Variants in RIT2 observed in about 807,000 individuals in gnomAD.
RIT2 encodes GTP-binding protein Rit2.
RIT2 carries 24 observed loss-of-function variants against 23.7 expected under a neutral mutation model. The observed-to-expected ratio is 1.01, with a 90% confidence interval of 0.73 to 1.43. RIT2 has a LOEUF of 1.43. Ranked by LOEUF, RIT2 falls within the 40% of genes most tolerant of loss-of-function variation. The pLI, the probability that RIT2 is intolerant of heterozygous loss-of-function variation, is 0.00. For missense variants in RIT2, 236 were observed against 266.9 expected (o/e 0.88, Z 0.81); for synonymous variants, 107 against 91.1 (o/e 1.17, Z -0.99).
chr18:42,774,239 C>T (rs542069589), intron 4 of RIT2, among the ~76,000 whole-genome samples: 1 of 152,230 alleles, frequency 6.6e-6, no homozygotes, highest in South Asian at 2.1e-4. Flanking sequence ...ACGGTAGACT[C>T]AATGGTGGTT....
chr18:42,804,390 C>T (rs1905620283), intron 4 of RIT2, among the ~76,000 whole-genome samples: 1 of 151,498 alleles, frequency 6.6e-6, no homozygotes, highest in Non-Finnish European at 1.5e-5. Context: ...CCCGTCTCTA[C>T]TAAAAATACA....
chr18:42,850,986 T>A (rs1362419981), intron 4 of RIT2, among the ~76,000 whole-genome samples: 3 of 152,218 alleles, frequency 2.0e-5, no homozygotes, highest in African/African-American at 7.2e-5. Context: ...ATTTTTCATA[T>A]CTTCCACATT....
intron 1 of RIT2, among the ~76,000 whole-genome samples, chr18:43,092,011 A>G (rs921963539): frequency 1.3e-5 from 2 of 152,142 alleles, no homozygotes; most frequent in Non-Finnish European, 1.5e-5. Flanking sequence ...ATATTATTTT[A>G]TGGATAATTT....
chr18:42,750,844 T>C (rs1913029711), intron 4 of RIT2, among the ~76,000 whole-genome samples: 1 of 148,540 alleles, frequency 6.7e-6, no homozygotes, highest in African/African-American at 2.4e-5. Flanking sequence ...TGAAAACTTT[T>C]GAATCATAGG....
chr18:42,921,587 A>G (rs1568030625), intron 4 of RIT2, among the ~76,000 whole-genome samples: 1 of 152,130 alleles, frequency 6.6e-6, no homozygotes, highest in Non-Finnish European at 1.5e-5. Flanking sequence ...GTGAAGGAAA[A>G]GTAAATGTCA....
intron 4 of RIT2, among the ~76,000 whole-genome samples, chr18:42,798,676 C>T (rs1219610734): frequency 6.6e-6 from 1 of 152,246 alleles, no homozygotes; most frequent in Non-Finnish European, 1.5e-5. Context: ...TCTACTCTGG[C>T]TTTCTTTCTC....
chr18:42,810,381 C>T (rs1434060493), intron 4 of RIT2, among the ~76,000 whole-genome samples: 1 of 151,860 alleles, frequency 6.6e-6, no homozygotes, highest in Non-Finnish European at 1.5e-5. Flanking sequence ...CATTACTTAG[C>T]TGGCTAATTG....
At chr18:42,780,057 T>TTTG (rs973749376) in intron 4 of RIT2, among the ~76,000 whole-genome samples, 1 of 135,140 alleles carries the variant, frequency 7.4e-6, no homozygotes, top group Non-Finnish European at 1.6e-5. Context: ...GTTTTTTTTT[T>TTTG]TTTTTTTTTT....
At chr18:42,910,495 G>T (rs967566975) in intron 4 of RIT2, among the ~76,000 whole-genome samples, 1 of 152,034 alleles carries the variant, frequency 6.6e-6, no homozygotes, top group South Asian at 2.1e-4. Context: ...CTGCCCAAAT[G>T]TTGCATTTTG....
chr18:42,903,445 CT>C (rs1336380323), intron 4 of RIT2, among the ~76,000 whole-genome samples: 1 of 151,696 alleles, frequency 6.6e-6, no homozygotes, highest in Non-Finnish European at 1.5e-5. Context: ...CACAATACGG[CT>C]TAATCAGAAA....
intron 4 of RIT2, among the ~76,000 whole-genome samples, chr18:42,749,443 G>C (rs1912994513): frequency 6.6e-6 from 1 of 151,418 alleles, no homozygotes; most frequent in Admixed American, 6.6e-5. Flanking sequence ...TTAATTTAAA[G>C]AAAGCAAAAA....
At chr18:42,795,971 T>C (rs1905338596) in intron 4 of RIT2, among the ~76,000 whole-genome samples, 1 of 152,078 alleles carries the variant, frequency 6.6e-6, no homozygotes, top group African/African-American at 2.4e-5. Flanking sequence ...ATCAGCGCCC[T>C]GTCAAAACAG....
rs1045709386 is a variant in RIT2, at chr18:43,032,220, T to C, written c.160+1591A>G. Among the ~76,000 whole-genome samples the C allele has an allele frequency of 3.9e-5, 6 of 152,196 alleles. No individual in the cohort carries two copies. The East Asian group carries it at 9.7e-4, about 25-fold the overall frequency. ...AATCTCAAGTGATAGATGTGTCTCA[T>C]GGATAACTAAAGGAGACATCATCAT... is the stretch of plus-strand genomic sequence containing the variant. On this transcript the variant is annotated intron_variant, in intron 2 of 4. Transcript: ENST00000326695.
intron 1 of RIT2, among the ~76,000 whole-genome samples, chr18:43,062,877 G>T (rs1912682600): frequency 2.0e-5 from 3 of 152,130 alleles, no homozygotes; most frequent in African/African-American, 7.2e-5. Context: ...CATTCTAACA[G>T]AAATATGATA....
At chr18:43,092,456 A>G (rs546761240) in intron 1 of RIT2, among the ~76,000 whole-genome samples, 2 of 152,212 alleles carry the variant, frequency 1.3e-5, no homozygotes, top group African/African-American at 4.8e-5. Flanking sequence ...ACTAAAATCA[A>G]GTTTGTCATC....
chr18:42,942,453 C>T (rs935750431), intron 3 of RIT2, among the ~76,000 whole-genome samples: 16 of 152,090 alleles, frequency 1.1e-4, no homozygotes, highest in African/African-American at 3.9e-4. Flanking sequence ...TACTGTCTTC[C>T]TCTTCCTTTA....
At chr18:42,795,762 T>G (rs555886189) in intron 4 of RIT2, among the ~76,000 whole-genome samples, 2 of 152,318 alleles carry the variant, frequency 1.3e-5, no homozygotes, top group South Asian at 4.1e-4. Flanking sequence ...ATCGGCACTC[T>G]GTATCTAGCT....
At chr18:42,966,267 A>G (rs1217991040) in intron 3 of RIT2, among the ~76,000 whole-genome samples, 1 of 152,186 alleles carries the variant, frequency 6.6e-6, no homozygotes, top group Non-Finnish European at 1.5e-5. Context: ...TGTCCAACAC[A>G]AAAATGAAAT....
chr18:43,021,742 C>A (rs66500905), intron 2 of RIT2, among the ~76,000 whole-genome samples: 1 of 151,946 alleles, frequency 6.6e-6, no homozygotes, highest in African/African-American at 2.4e-5. Context: ...TTCCTGAGGC[C>A]TCCCCAAAAG....
Sources: gnomAD v4.1 joint callset for allele counts (sites outside exome capture counted in the v4.1 genomes callset) on GRCh38, gnomAD v4.1.1 for gene constraint, MANE v1.5 for transcripts, NCBI Gene and HGNC (gene_info 2026-07-23, HGNC 2026-07-21) for gene names.